Variants in XRCC6 observed in about 807,000 individuals in gnomAD.
The protein encoded by XRCC6 is DNA repair protein Ku70.
XRCC6 carries 5 observed loss-of-function variants against 65.7 expected under a neutral mutation model. The ratio of observed to expected loss-of-function variants is 0.08; its 90% CI spans 0.04 to 0.16. XRCC6 has a LOEUF of 0.16. XRCC6 is among the 10% of genes least tolerant of loss of function. The pLI, the probability that XRCC6 is intolerant of heterozygous loss-of-function variation, is 1.00. For synonymous variants in XRCC6, 270 were observed against 270.6 expected, an observed-to-expected ratio of 1.00 and a Z score of 0.02; for missense variants, 447 against 738.1, an observed-to-expected ratio of 0.61 and a Z score of 4.57.
At chr22:41,649,139 A>ATATAT (rs1555906701) in intron 7 of XRCC6, among the ~76,000 whole-genome samples, 21 of 88,720 alleles carry the variant, frequency 2.4e-4, no homozygotes, top group East Asian at 5.9e-4. Flanking sequence ...AAAAAAAAAA[A>ATATAT]ATATATATAT....
chr22:41,625,986 G>A (rs2067665680), intron 2 of XRCC6, among the ~76,000 whole-genome samples: 1 of 152,030 alleles, frequency 6.6e-6, no homozygotes, highest in African/African-American at 2.4e-5. Flanking sequence ...TTATAGGCAT[G>A]CGCCACCACA....
intron 9 of XRCC6, among the ~76,000 whole-genome samples, chr22:41,654,092 C>A (rs1421016597): frequency 6.6e-6 from 1 of 152,082 alleles, no homozygotes; most frequent in Non-Finnish European, 1.5e-5. Flanking sequence ...TGAGGTATAG[C>A]GGAAAGACCA....
intron 6 of XRCC6, among the ~76,000 whole-genome samples, chr22:41,641,121 G>T (rs771721725): frequency 1.3e-5 from 2 of 152,106 alleles, no homozygotes. Context: ...TAGGATTGCC[G>T]TGAGCATTAA....
At chr22:41,623,338 C>T (rs2067631700) in intron 2 of XRCC6, among the ~76,000 whole-genome samples, 1 of 152,172 alleles carries the variant, frequency 6.6e-6, no homozygotes, top group African/African-American at 2.4e-5. Flanking sequence ...CTTGGCCTCC[C>T]AAAGTTCTAG....
chr22:41,632,537 G>C (rs879925160), intron 3 of XRCC6, among the ~76,000 whole-genome samples: 7 of 152,042 alleles, frequency 4.6e-5, no homozygotes, highest in African/African-American at 7.2e-5. Context: ...CTTGAACTGG[G>C]GAGGTGGACG....
rs1335320703 is a variant in XRCC6 at position 41,649,126 on chromosome 22, CAA to C, written c.961-1584_961-1583del. Among the ~76,000 whole-genome samples, 313 of 90,126 alleles carry C rather than the reference CAA, an allele frequency of 3.5e-3. 4 individuals carry two copies. The highest frequency in any genetic ancestry group is 0.014 in the East Asian group (55 of 3,986). 59.1% of individuals were successfully genotyped at this position (90,126 alleles called of 152,430 possible). Reference sequence around the variant, plus strand: ...GGTGCACAGCCTGGGGAAGAGAGTACAAAAAAAAAAAAAATATATATATATAT... The same window carrying C: ...GGTGCACAGCCTGGGGAAGAGAGTACAAAAAAAAAAAATATATATATATAT... On this transcript the variant is annotated intron_variant, in intron 7 of 12. Transcript: ENST00000360079.
At chr22:41,662,590 A>AC (rs2068109924) in intron 12 of XRCC6, among the ~76,000 whole-genome samples, 1 of 152,180 alleles carries the variant, frequency 6.6e-6, no homozygotes, top group Non-Finnish European at 1.5e-5. Context: ...AGGTTATTTA[A>AC]CCAGACCTGT....
At chr22:41,636,066 G>A in intron 3 of XRCC6, 47 bp from the exon 4 acceptor site, 2 of 1,525,650 alleles carry the variant, frequency 1.3e-6, no homozygotes, top group African/African-American at 1.4e-5. Flanking sequence ...CACTTATGGA[G>A]CTTCCATTTA....
At chr22:41,636,847 G>A (rs1056579718) in intron 5 of XRCC6, 77 bp downstream of exon 5, 4 of 1,512,024 alleles carry the variant, frequency 2.6e-6, no homozygotes, top group Admixed American at 2.1e-5. Flanking sequence ...AGGAGTTCAG[G>A]AGTCTTGGCT....
At position 41,650,779 on chromosome 22, in the gene XRCC6, G is replaced by C; in HGVS notation, c.1017G>C (p.Arg339=). The C allele has an allele frequency of 5.0e-6, 8 of 1,613,944 alleles. No individual in the cohort carries two copies. Among genetic ancestry groups the C allele is most frequent in the Non-Finnish European group, 6.8e-6 (8 of 1,179,862 alleles). ...AAGAGGAAACAGAAGAGCTAAAACG[G>C]TTTGATGATCCAGGTTTGATGCTCA... ...LEKEETEELK[R]FDDPGLMLMG... The change falls in exon 8 of 13, where the codon CGG becomes CGC. Residue 339 remains arginine, a synonymous_variant. Coordinates refer to ENST00000360079, the MANE Select transcript of XRCC6 (RefSeq NM_001469.5).
intron 2 of XRCC6, among the ~76,000 whole-genome samples, chr22:41,625,785 C>T (rs777786867): frequency 2.0e-5 from 3 of 152,136 alleles, no homozygotes; most frequent in Non-Finnish European, 2.9e-5. Context: ...GCTATGATTG[C>T]GCCACTGCAT....
At chr22:41,634,855 T>C (rs1335061660) in intron 3 of XRCC6, among the ~76,000 whole-genome samples, 1 of 152,160 alleles carries the variant, frequency 6.6e-6, no homozygotes, top group Non-Finnish European at 1.5e-5. Flanking sequence ...ACTGATGAGC[T>C]CTTACAAGAC....
chr22:41,656,495 G>A (rs1425036878), intron 9 of XRCC6, among the ~76,000 whole-genome samples: 2 of 149,600 alleles, frequency 1.3e-5, no homozygotes. Context: ...CAGCCTGGGC[G>A]ACAAGAGTGA....
intron 3 of XRCC6, among the ~76,000 whole-genome samples, chr22:41,635,130 T>C (rs28384723): frequency 0.013 from 1,996 of 152,304 alleles, 47 homozygotes; most frequent in African/African-American, 0.045. Flanking sequence ...TAAAATGGCA[T>C]AGTATTTGCA....
At chr22:41,656,461 G>A (rs1167954794) in intron 9 of XRCC6, among the ~76,000 whole-genome samples, 3 of 151,002 alleles carry the variant, frequency 2.0e-5, no homozygotes, top group East Asian at 3.9e-4. Flanking sequence ...AGGTTGCAGC[G>A]AGCCGAGATT....
chr22:41,649,748 G>A (rs1036575650), intron 7 of XRCC6, among the ~76,000 whole-genome samples: 1 of 151,860 alleles, frequency 6.6e-6, no homozygotes, highest in Non-Finnish European at 1.5e-5. Flanking sequence ...CCAGCTACTC[G>A]TGGGGCTGAG....
intron 8 of XRCC6, 148 bp from the exon 9 acceptor site, chr22:41,653,381 G>A (rs2068018489): frequency 1.4e-6 from 1 of 729,620 alleles, no homozygotes; most frequent in East Asian, 2.9e-5. Flanking sequence ...TCTATCCTGG[G>A]TGACAGAGCG....
chr22:41,654,228 G>C (rs541912265), intron 9 of XRCC6, among the ~76,000 whole-genome samples: 1 of 152,270 alleles, frequency 6.6e-6, no homozygotes, highest in Admixed American at 6.5e-5. Flanking sequence ...TAACCTTTCT[G>C]TTTAATATTC....
intron 2 of XRCC6, among the ~76,000 whole-genome samples, chr22:41,623,223 A>G (rs968796439): frequency 5.9e-5 from 9 of 151,742 alleles, no homozygotes; most frequent in Admixed American, 2.6e-4. Flanking sequence ...TGGGACTACA[A>G]GTGCCGCCAA....
Sources: allele counts gnomAD v4.1 joint callset (sites outside exome capture counted in the v4.1 genomes callset), GRCh38; gene constraint gnomAD v4.1.1; transcripts MANE v1.5; gene names NCBI Gene and HGNC (gene_info 2026-07-23, HGNC 2026-07-21).